KCNU1: variants seen among roughly 807,000 people sequenced by gnomAD.
KCNU1 encodes potassium calcium-activated channel subfamily U member 1.
Under a neutral mutation model 126.8 loss-of-function variants are expected in KCNU1, and 93 were observed. The observed-to-expected ratio is 0.73, with a 90% CI of 0.62 to 0.87. The LOEUF (loss-of-function observed/expected upper bound fraction) is 0.87. Ranked by LOEUF, KCNU1 falls within the 40% of genes least tolerant of loss-of-function variation. KCNU1 has a pLI of 0.00. For synonymous variants in KCNU1, 523 were observed against 494.2 expected, an observed-to-expected ratio of 1.06 and a Z score of -0.77; for missense variants, 1,330 against 1,367.1, an observed-to-expected ratio of 0.97 and a Z score of 0.43.
At chr8:36,922,059 A>G (rs917385859) in intron 23 of KCNU1, among the ~76,000 whole-genome samples, 2 of 152,206 alleles carry the variant, frequency 1.3e-5, no homozygotes, top group Admixed American at 1.3e-4. Flanking sequence ...AGTAAATACC[A>G]AGTCATCTAT....
Position 36,787,310 on chromosome 8 carries a change from T to A in KCNU1, c.200T>A (p.Leu67Gln). 1 of 1,608,534 alleles carries A rather than the reference T, an allele frequency of 6.2e-7. No homozygotes were observed. Among genetic ancestry groups the A allele is most frequent in the Non-Finnish European group, 8.5e-7 (1 of 1,177,124 alleles). ...ATTTCTTTCTCTTGATTGTAGGAAC[T>A]GTTCACATCAGGTACCATCGCTAGG... Reference protein sequence around the residue: ...IIKGTGIILELFTSGTIARSH... With the variant: ...IIKGTGIILEQFTSGTIARSH... The change falls in exon 2 of 27, where the codon CTG (leucine) becomes CAG (glutamine). Residue 67 changes from leucine to glutamine, a missense_variant. Leu to Gln is a moderately radical substitution (Grantham distance 113). This residue lies in a region of KCNU1 where 247 missense variants were observed against 255.4 expected (regional missense o/e 0.97). Coordinates refer to ENST00000399881, the MANE Select transcript of KCNU1 (RefSeq NM_001031836.3).
In KCNU1 at chr8:36,840,481, T is replaced by G. The variant is rs771255891; in HGVS notation, c.1537T>G (p.Trp513Gly). The change falls in exon 15 of 27, where the codon TGG becomes GGG. Residue 513 changes from tryptophan to glycine, a missense_variant. Coordinates refer to ENST00000399881, the MANE Select transcript of KCNU1 (RefSeq NM_001031836.3). The part of the protein sequence containing the change: ...QNKKVMPKQT[W>G]KKHFLNSMKN... Reference sequence around the variant, plus strand: ...ATTCCAGGTTATGCCTAAACAGACCTGGAAGAAACACTTCTTGAATAGCAT... The same window carrying G: ...ATTCCAGGTTATGCCTAAACAGACCGGGAAGAAACACTTCTTGAATAGCAT... The G allele has an allele frequency of 6.2e-7, 1 of 1,600,534 alleles. No homozygotes were observed. The highest frequency in any genetic ancestry group is 8.6e-7 in the Non-Finnish European group (1 of 1,168,602).
At chr8:36,911,784 A>G (rs964316558) in intron 22 of KCNU1, among the ~76,000 whole-genome samples, 1 of 152,130 alleles carries the variant, frequency 6.6e-6, no homozygotes, top group African/African-American at 2.4e-5. Context: ...TTTAACAAAT[A>G]CTTGTTGAAT....
At chr8:36,887,569 G>C (rs1806764213) in intron 19 of KCNU1, among the ~76,000 whole-genome samples, 1 of 151,618 alleles carries the variant, frequency 6.6e-6, no homozygotes, top group Non-Finnish European at 1.5e-5. Flanking sequence ...CTGGAAACCG[G>C]CCAGAACCAA....
chr8:36,871,218 A>C (rs1806090636), intron 19 of KCNU1, among the ~76,000 whole-genome samples: 1 of 152,180 alleles, frequency 6.6e-6, no homozygotes, highest in Non-Finnish European at 1.5e-5. Context: ...CTGAGTTCCA[A>C]AGACAGATGA....
chr8:36,833,339 A>T (rs1431537931), intron 10 of KCNU1, among the ~76,000 whole-genome samples: 1 of 152,158 alleles, frequency 6.6e-6, no homozygotes, highest in African/African-American at 2.4e-5. Flanking sequence ...TTAAAATGTT[A>T]TGCCTGTTTC....
Position 36,905,091 on chromosome 8 carries a change from G to A in KCNU1, c.2010-617G>A, listed in dbSNP as rs367892835. On this transcript the variant is annotated intron_variant, in intron 19 of 26. Transcript: ENST00000399881. ...CTCTGTCAGGGATTGAATACATTAT[G>A]AAACAAGCTTGTGTCTAACTGCAGT... is the stretch of plus-strand genomic sequence containing the variant. Among the ~76,000 whole-genome samples, 203 of 152,278 alleles carry A rather than the reference G, an allele frequency of 1.3e-3. 1 individual carries two copies. The highest frequency in any genetic ancestry group is 4.8e-3 in the African/African-American group (199 of 41,560).
chr8:36,920,577 T>G (rs1006664888), intron 23 of KCNU1, among the ~76,000 whole-genome samples: 1 of 152,132 alleles, frequency 6.6e-6, no homozygotes, highest in Non-Finnish European at 1.5e-5. Flanking sequence ...GAAAGGGTCA[T>G]GTTGATGTGG....
Position 36,922,539 on chromosome 8 carries a change from G to A in KCNU1, c.2646G>A (p.Gly882=), listed in dbSNP as rs1563338481. The change falls in exon 24 of 27, where the codon GGG becomes GGA. Residue 882 remains glycine (G), a synonymous_variant. Coordinates refer to ENST00000399881, the MANE Select transcript of KCNU1 (RefSeq NM_001031836.3). ...TTGAACAGCTTGGTGGACTGGAAGG[G>A]TCCCTCCAAGAAACAAATCTGCATC... ...HFIEQLGGLE[G]SLQETNLHLS... is the part of the protein sequence containing the mutation. 1.9e-6 allele frequency: 3 copies of A among 1,613,412 alleles called. No homozygotes were observed. The highest frequency in any genetic ancestry group is 2.5e-6 in the Non-Finnish European group (3 of 1,179,686).
intron 19 of KCNU1, among the ~76,000 whole-genome samples, chr8:36,903,338 G>A (rs1807493827): frequency 6.6e-6 from 1 of 152,078 alleles, no homozygotes; most frequent in South Asian, 2.1e-4. Flanking sequence ...AATTCACAAG[G>A]AAACCCCCTA....
At chr8:36,859,530 T>C (rs958087414) in intron 18 of KCNU1, among the ~76,000 whole-genome samples, 1 of 152,192 alleles carries the variant, frequency 6.6e-6, no homozygotes, top group African/African-American at 2.4e-5. Flanking sequence ...ACATGTTAGC[T>C]TTTGGGTTCT....
At chr8:36,834,125 C>A (rs1056348004) in intron 11 of KCNU1, among the ~76,000 whole-genome samples, 2 of 151,998 alleles carry the variant, frequency 1.3e-5, no homozygotes, top group African/African-American at 4.8e-5. Flanking sequence ...AGTTGTGACG[C>A]AAAATAATGA....
At chr8:36,785,681 T>C (rs536917210) in intron 1 of KCNU1, among the ~76,000 whole-genome samples, 3 of 152,292 alleles carry the variant, frequency 2.0e-5, no homozygotes, top group Admixed American at 1.3e-4. Context: ...TATGGGTAAA[T>C]AGCTATGATG....
At chr8:36,902,034 G>A (rs965671502) in intron 19 of KCNU1, among the ~76,000 whole-genome samples, 2 of 152,096 alleles carry the variant, frequency 1.3e-5, no homozygotes, top group African/African-American at 4.8e-5. Context: ...ATGTTTCTAT[G>A]AGGATCATGA....
chr8:36,831,351 T>C (rs1804540021), intron 10 of KCNU1, among the ~76,000 whole-genome samples: 1 of 152,054 alleles, frequency 6.6e-6, no homozygotes. Context: ...TCCACAATGG[T>C]TGAACTAGTT....
rs1221141710 is a variant in KCNU1 at position 36,909,401 on chromosome 8, A to G, written c.2197A>G (p.Asn733Asp). 2 of 1,612,908 alleles carry G rather than the reference A, an allele frequency of 1.2e-6. No individual in the cohort carries two copies. The highest frequency in any genetic ancestry group is 1.3e-5 in the African/African-American group (1 of 74,880). ...DAHSAPMGLR[N>D]FVMPLRASNY... is the part of the protein sequence containing the mutation. ...CCACTCAGCCCCGATGGGGCTTCGG[A>G]ACTTTGTAATGCCCTTGAGAGCCAG... Residue 733 changes from asparagine (N) to aspartate (D), a missense_variant, in exon 21 of 27, where the codon AAC becomes GAC. Transcript: ENST00000399881.
chr8:36,837,375 T>C (rs1804790247), intron 14 of KCNU1, among the ~76,000 whole-genome samples: 1 of 152,132 alleles, frequency 6.6e-6, no homozygotes, highest in Non-Finnish European at 1.5e-5. Context: ...CAAATAGAAA[T>C]GATACAAATA....
chr8:36,810,250 CAA>C (rs5890885), intron 7 of KCNU1, among the ~76,000 whole-genome samples: 3 of 139,444 alleles, frequency 2.2e-5, no homozygotes, highest in Non-Finnish European at 3.2e-5. Context: ...GACTCCATCT[CAA>C]AAAAAAAAAA....
intron 15 of KCNU1, 116 bp downstream of exon 15, chr8:36,840,691 C>A: frequency 1.4e-6 from 1 of 726,016 alleles, no homozygotes; most frequent in South Asian, 1.8e-5. Context: ...TAAGAAGGGA[C>A]AGCCCAGGGT....
Sources: allele counts gnomAD v4.1 joint callset (sites outside exome capture counted in the v4.1 genomes callset), GRCh38; gene constraint gnomAD v4.1.1; regional missense constraint gnomAD v4.1.1; transcripts MANE v1.5; gene names NCBI Gene and HGNC (gene_info 2026-07-23, HGNC 2026-07-21).